LPP: variants seen among roughly 807,000 people sequenced by gnomAD.
The protein encoded by LPP is lipoma-preferred partner.
In LPP, 38 loss-of-function variants were observed where a neutral mutation model predicts 60.4. The observed-to-expected ratio is 0.63, with a 90% CI of 0.49 to 0.83. The LOEUF (loss-of-function observed/expected upper bound fraction) is 0.83. Ranked by LOEUF, LPP falls within the 40% of genes least tolerant of loss-of-function variation. LPP has a pLI of 0.00. For missense variants in LPP, 902 were observed against 783.6 expected (o/e 1.15, Z -1.80); for synonymous variants, 328 against 290.8 (o/e 1.13, Z -1.30).
chr3:188,325,462 C>A (rs1281443102), intron 2 of LPP, among the ~76,000 whole-genome samples: 1 of 152,152 alleles, frequency 6.6e-6, no homozygotes, highest in Non-Finnish European at 1.5e-5. Flanking sequence ...CCTAGCTCTT[C>A]CCCATTCTTT....
intron 3 of LPP, among the ~76,000 whole-genome samples, chr3:188,388,160 A>T (rs984681564): frequency 6.6e-6 from 1 of 152,102 alleles, no homozygotes; most frequent in Non-Finnish European, 1.5e-5. Flanking sequence ...TTTTAGTGAG[A>T]ATTGTGCAAT....
intron 2 of LPP, among the ~76,000 whole-genome samples, chr3:188,260,924 A>C (rs1340313428): frequency 6.6e-6 from 1 of 151,898 alleles, no homozygotes; most frequent in East Asian, 1.9e-4. Flanking sequence ...AGTCCCAGCT[A>C]CTCAGGAGGC....
chr3:188,709,170 A>G (rs1179130778), intron 8 of LPP: 2 of 152,094 alleles, frequency 1.3e-5, no homozygotes, highest in African/African-American at 2.4e-5. Context: ...ATCCATGAAT[A>G]TAATGCAAAT....
At chr3:188,209,846 A>G (rs1734236330) in intron 1 of LPP, among the ~76,000 whole-genome samples, 2 of 152,198 alleles carry the variant, frequency 1.3e-5, no homozygotes, top group African/African-American at 4.8e-5. Context: ...CCAGCAGTAT[A>G]TATGCTGAAT....
At chr3:188,524,101 C>T (rs149097762) in intron 5 of LPP, among the ~76,000 whole-genome samples, 21 of 152,292 alleles carry the variant, frequency 1.4e-4, no homozygotes, top group African/African-American at 4.6e-4. Context: ...TTGGCAGAAC[C>T]CTAAGAGGTC....
chr3:188,393,455 C>G (rs79389805), intron 3 of LPP, among the ~76,000 whole-genome samples: 4,114 of 152,192 alleles, frequency 0.027, 187 homozygotes, highest in African/African-American at 0.096. Context: ...TATGGAACTT[C>G]TGGGAGAGGA....
At chr3:188,415,372 T>C (rs1311608761) in intron 4 of LPP, among the ~76,000 whole-genome samples, 1 of 152,162 alleles carries the variant, frequency 6.6e-6, no homozygotes, top group African/African-American at 2.4e-5. Context: ...GAAAACTCTT[T>C]GGCGGTATTT....
At chr3:188,385,335 G>A (rs532592917) in intron 3 of LPP, among the ~76,000 whole-genome samples, 1 of 152,224 alleles carries the variant, frequency 6.6e-6, no homozygotes, top group Admixed American at 6.5e-5. Context: ...TTGGATGATT[G>A]AGTAAGCGTG....
intron 4 of LPP, among the ~76,000 whole-genome samples, chr3:188,413,625 A>G (rs929919522): frequency 6.6e-5 from 10 of 152,188 alleles, no homozygotes; most frequent in African/African-American, 2.2e-4. Flanking sequence ...CAAGCTGTGT[A>G]TTCATTAAAG....
chr3:188,633,595 A>G (rs923633656), intron 7 of LPP, among the ~76,000 whole-genome samples: 46 of 152,146 alleles, frequency 3.0e-4, no homozygotes, highest in Non-Finnish European at 1.5e-4. Context: ...TCCAGATAAC[A>G]TATTCTAATG....
intron 7 of LPP, among the ~76,000 whole-genome samples, chr3:188,686,426 G>T (rs1860738593): frequency 6.6e-6 from 1 of 152,134 alleles, no homozygotes; most frequent in African/African-American, 2.4e-5. Flanking sequence ...TGTTTCTGGG[G>T]AGAAATTTAA....
chr3:188,638,585 G>A (rs1475636758), intron 7 of LPP, among the ~76,000 whole-genome samples: 2 of 148,888 alleles, frequency 1.3e-5, no homozygotes, highest in Non-Finnish European at 3.0e-5. Flanking sequence ...GTCCCTGTTT[G>A]CAGATGACAT....
intron 6 of LPP, among the ~76,000 whole-genome samples, chr3:188,565,088 G>A (rs1831804586): frequency 6.6e-6 from 1 of 151,854 alleles, no homozygotes; most frequent in African/African-American, 2.4e-5. Flanking sequence ...TACACATGGA[G>A]GAGGAATTCT....
chr3:188,232,060 T>C (rs1311431299), intron 2 of LPP, among the ~76,000 whole-genome samples: 3 of 152,202 alleles, frequency 2.0e-5, no homozygotes, highest in African/African-American at 7.2e-5. Flanking sequence ...GGGAGTTTCT[T>C]TTCCAGAGCA....
At chr3:188,462,165 A>G (rs1268998899) in intron 4 of LPP, among the ~76,000 whole-genome samples, 1 of 152,044 alleles carries the variant, frequency 6.6e-6, no homozygotes, top group East Asian at 1.9e-4. Context: ...ACATGTAGTC[A>G]GTCACTGTGC....
chr3:188,358,087 A>G (rs1400938331), intron 3 of LPP, among the ~76,000 whole-genome samples: 1 of 152,252 alleles, frequency 6.6e-6, no homozygotes, highest in Non-Finnish European at 1.5e-5. Flanking sequence ...CTAAATGCTT[A>G]TAGATTTAGG....
At chr3:188,269,604 A>G (rs1349240263) in intron 2 of LPP, among the ~76,000 whole-genome samples, 1 of 150,348 alleles carries the variant, frequency 6.7e-6, no homozygotes, top group Non-Finnish European at 1.5e-5. Context: ...AAGATGCCTA[A>G]CACATGTTCT....
At chr3:188,555,755 C>T (rs1829318051) in intron 6 of LPP, among the ~76,000 whole-genome samples, 1 of 152,026 alleles carries the variant, frequency 6.6e-6, no homozygotes, top group Admixed American at 6.6e-5. Context: ...TATATTTGAG[C>T]TATCTTTTAG....
Position 188,443,298 on chromosome 3 carries a change from G to A in LPP, c.193+36985G>A, listed in dbSNP as rs952497271. ...AATAATGCAATTGAAAAGAAAGGGC[G>A]GAAGCAAGTTCTTGGCTGCATAGCT... On this transcript the variant is annotated intron_variant, in intron 4 of 11. Transcript: ENST00000617246. 2.0e-4 allele frequency among the ~76,000 whole-genome samples: 31 copies of A among 152,168 alleles called. 1 individual carries two copies. Among genetic ancestry groups the A allele is most frequent in the African/African-American group, 7.2e-4 (30 of 41,446 alleles).
Sources: allele counts gnomAD v4.1 joint callset (sites outside exome capture counted in the v4.1 genomes callset), GRCh38; gene constraint gnomAD v4.1.1; transcripts MANE v1.5; gene names NCBI Gene and HGNC (gene_info 2026-07-23, HGNC 2026-07-21).